Variants in BICDL1 observed in about 807,000 individuals in gnomAD.
BICDL1 encodes BICD family-like cargo adapter 1.
A neutral mutation model predicts 76.8 loss-of-function variants in BICDL1; 20 were observed. The observed-to-expected ratio is 0.26, with a 90% CI of 0.18 to 0.38. The LOEUF is 0.38. BICDL1 is among the 10% of genes least tolerant of loss of function. The pLI, the probability that BICDL1 is intolerant of heterozygous loss-of-function variation, is 1.00. For missense variants in BICDL1, 700 were observed against 798.6 expected, an observed-to-expected ratio of 0.88 and a Z score of 1.49; for synonymous variants, 383 against 337.1, an observed-to-expected ratio of 1.14 and a Z score of -1.49.
At chr12:120,084,550 T>TA (rs1281033941) in intron 8 of BICDL1, among the ~76,000 whole-genome samples, 4 of 151,932 alleles carry the variant, frequency 2.6e-5, no homozygotes, top group Admixed American at 2.0e-4. Context: ...TATGCTTTTG[T>TA]AAAAAAAATA....
At chr12:120,063,715 G>A (rs76957080) in intron 3 of BICDL1, among the ~76,000 whole-genome samples, 3,529 of 152,274 alleles carry the variant, frequency 0.023, 145 homozygotes, top group African/African-American at 0.081. Flanking sequence ...AATCAGTCCA[G>A]CAGGGCACTG....
intron 2 of BICDL1, 60 bp from the exon 3 acceptor site, chr12:120,061,650 C>T (rs1953106986): frequency 2.6e-6 from 3 of 1,160,394 alleles, no homozygotes; most frequent in Non-Finnish European, 3.9e-6. Flanking sequence ...AAAGCAGAAA[C>T]CTTAACAGAG....
At chr12:120,045,917 T>TATA (rs72097325) in intron 2 of BICDL1, among the ~76,000 whole-genome samples, 31 of 137,698 alleles carry the variant, frequency 2.3e-4, no homozygotes, top group South Asian at 6.5e-4. Flanking sequence ...CTTAAAGTAT[T>TATA]ATAATAATAA....
At chr12:120,056,373 C>T (rs1325795739) in intron 2 of BICDL1, among the ~76,000 whole-genome samples, 4 of 152,196 alleles carry the variant, frequency 2.6e-5, no homozygotes, top group Non-Finnish European at 5.9e-5. Flanking sequence ...GTAGCCAAAA[C>T]TCATCATTTT....
intron 2 of BICDL1, among the ~76,000 whole-genome samples, chr12:120,014,483 G>A (rs1194547313): frequency 6.6e-6 from 1 of 152,098 alleles, no homozygotes; most frequent in Non-Finnish European, 1.5e-5. Flanking sequence ...CACAAAGTCA[G>A]GAGATCGAGA....
chr12:120,039,166 G>A (rs188733613), intron 2 of BICDL1, among the ~76,000 whole-genome samples: 4 of 151,626 alleles, frequency 2.6e-5, no homozygotes, highest in Non-Finnish European at 4.4e-5. Context: ...GCATGGTGGC[G>A]GGTGTCTATA....
chr12:120,024,448 AAC>A (rs1157983486), intron 2 of BICDL1, among the ~76,000 whole-genome samples: 8 of 152,254 alleles, frequency 5.3e-5, no homozygotes, highest in African/African-American at 1.9e-4. Flanking sequence ...TCCACAATGA[AAC>A]ACAGAAAAGT....
chr12:120,018,870 A>T (rs1481305679), intron 2 of BICDL1: 1 of 151,836 alleles, frequency 6.6e-6, no homozygotes. Context: ...GTGGTGAAAC[A>T]CCGTCTCTAC....
At chr12:120,025,345 C>T (rs982831059) in intron 2 of BICDL1, among the ~76,000 whole-genome samples, 4 of 152,126 alleles carry the variant, frequency 2.6e-5, no homozygotes, top group African/African-American at 4.8e-5. Context: ...CCACCGCGCC[C>T]GGCCGATATT....
rs534907057 is a variant in BICDL1 at position 120,004,539 on chromosome 12, G to A, written c.645+5803G>A. On this transcript the variant is annotated intron_variant, in intron 2 of 9. Transcript: ENST00000548673. ...CCAAAGCCTGTACTTTAAACTAGAAGGGATTAGGCCAAGAGATACCTGGAG... is the reference window on the plus strand; with the variant it reads ...CCAAAGCCTGTACTTTAAACTAGAAAGGATTAGGCCAAGAGATACCTGGAG... 7.2e-5 allele frequency among the ~76,000 whole-genome samples: 11 copies of A among 152,304 alleles called. No homozygotes were observed. In the South Asian group the frequency reaches 1.7e-3, roughly 23 times the overall value.
intron 1 of BICDL1, among the ~76,000 whole-genome samples, chr12:119,997,494 A>G (rs1388066249): frequency 6.6e-6 from 1 of 152,210 alleles, no homozygotes; most frequent in African/African-American, 2.4e-5. Context: ...TAAATATACA[A>G]GGCTTAATGG....
At chr12:120,075,980 G>A (rs1307038925) in intron 7 of BICDL1, among the ~76,000 whole-genome samples, 6 of 152,206 alleles carry the variant, frequency 3.9e-5, no homozygotes, top group Non-Finnish European at 5.9e-5. Flanking sequence ...CCAACATGGC[G>A]AAACCCCATC....
In BICDL1 at chr12:119,989,936, G is replaced by T; in HGVS notation, c.68G>T (p.Cys23Phe). 6.8e-7 allele frequency: 1 copy of T among 1,469,734 alleles called. No homozygotes were observed. The highest frequency in any genetic ancestry group is 8.9e-7 in the Non-Finnish European group (1 of 1,124,402). The allele number at this position is 1,469,734 out of a possible 1,614,324, so 91.0% of individuals were successfully genotyped here. The change falls in exon 1 of 10, where the codon TGC (cysteine) becomes TTC (phenylalanine). Residue 23 changes from cysteine (C) to phenylalanine (F), a missense_variant. Physicochemically the swap from Cys to Phe is radical, Grantham distance 205. Transcript: ENST00000548673. ...CCCGCCGAGCCGGACAGCGCCTGCT[G>T]CATGGAGCTGCCCGCCGCGGCCGGG... Reference protein sequence around the residue: ...SAPAEPDSACCMELPAAAGDA... With the variant: ...SAPAEPDSACFMELPAAAGDA...
chr12:120,090,508 A>C (rs1177040787), intron 9 of BICDL1, among the ~76,000 whole-genome samples: 1 of 152,134 alleles, frequency 6.6e-6, no homozygotes, highest in African/African-American at 2.4e-5. Flanking sequence ...TCCAAAGAGC[A>C]CTGTGCTGGC....
At chr12:120,088,620 G>A (rs1389195533) in intron 8 of BICDL1, among the ~76,000 whole-genome samples, 10 of 151,726 alleles carry the variant, frequency 6.6e-5, no homozygotes, top group African/African-American at 2.4e-4. Flanking sequence ...GCCTCCCAAA[G>A]TGCTGGGATT....
In BICDL1 at chr12:120,061,797, A is replaced by G. The variant is rs771253170; in HGVS notation, c.733A>G (p.Ile245Val). 2.5e-6 allele frequency: 4 copies of G among 1,613,986 alleles called. No individual in the cohort carries two copies. The highest frequency in any genetic ancestry group is 4.5e-5 in the East Asian group (2 of 44,876). The change falls in exon 3 of 10, where the codon ATT (isoleucine) becomes GTT (valine). Residue 245 changes from isoleucine to valine, a missense_variant. Physicochemically the swap from Ile to Val is conservative, Grantham distance 29 (BLOSUM62 3). Transcript: ENST00000548673. ...GAAAAACTCATCAACCAACCAGCACATTATCCGGCTGGAGAGCCTTCAGGC... is the reference window on the plus strand; with the variant it reads ...GAAAAACTCATCAACCAACCAGCACGTTATCCGGCTGGAGAGCCTTCAGGC... ...REKNSSTNQH[I>V]IRLESLQAEI... is the part of the protein sequence containing the mutation.
At chr12:120,021,618 A>C (rs1257983451) in intron 2 of BICDL1, among the ~76,000 whole-genome samples, 1 of 144,460 alleles carries the variant, frequency 6.9e-6, no homozygotes, top group Non-Finnish European at 1.5e-5. Flanking sequence ...AAAGAGAATC[A>C]GCCAGGTGTG....
At chr12:119,999,614 T>A in intron 2 of BICDL1, 1 of 270,054 alleles carries the variant, frequency 3.7e-6, no homozygotes, top group South Asian at 3.6e-5. Context: ...GTCATGGAAG[T>A]ATTAACCAAA....
chr12:120,054,740 C>T (rs1462226587), intron 2 of BICDL1, among the ~76,000 whole-genome samples: 1 of 151,976 alleles, frequency 6.6e-6, no homozygotes, highest in African/African-American at 2.4e-5. Flanking sequence ...ATTAGCCGGG[C>T]ATGGTGGCAC....
Sources: gnomAD v4.1 joint callset for allele counts (sites outside exome capture counted in the v4.1 genomes callset) on GRCh38, gnomAD v4.1.1 for gene constraint, MANE v1.5 for transcripts, NCBI Gene and HGNC (gene_info 2026-07-23, HGNC 2026-07-21) for gene names.